Variants in PPP6R2 observed in about 807,000 individuals in gnomAD.
The protein encoded by PPP6R2 is serine/threonine-protein phosphatase 6 regulatory subunit 2.
A neutral mutation model predicts 100.2 loss-of-function variants in PPP6R2; 62 were observed. The observed-to-expected ratio is 0.62, with a 90% CI of 0.50 to 0.76. PPP6R2 has a LOEUF of 0.76. Ranked by LOEUF, PPP6R2 falls within the 30% of genes least tolerant of loss-of-function variation. PPP6R2 has a pLI of 0.00. For synonymous variants in PPP6R2, 525 were observed against 514.7 expected (o/e 1.02, Z -0.27); for missense variants, 1,142 against 1,276.3 (o/e 0.89, Z 1.60).
intron 1 of PPP6R2, among the ~76,000 whole-genome samples, chr22:50,365,069 CTTTTTTT>C (rs753699499): frequency 7.8e-6 from 1 of 128,434 alleles, no homozygotes; most frequent in Admixed American, 8.1e-5. Flanking sequence ...ATATGAGATA[CTTTTTTT>C]TTTTTTTTTT....
At chr22:50,420,284 G>A (rs575500873) in intron 8 of PPP6R2, among the ~76,000 whole-genome samples, 1 of 152,316 alleles carries the variant, frequency 6.6e-6, no homozygotes, top group East Asian at 1.9e-4. Flanking sequence ...GAGGCAGTGA[G>A]GGGGTCCCAG....
In PPP6R2 at chr22:50,371,809, G is replaced by T. The variant is rs556127208; in HGVS notation, c.-147-211G>T. ...GCGCCACCACACCCGGCTAATTTTT[G>T]TATTTTTTGGTAGAAATGAGGTTTT... On this transcript the variant is annotated intron_variant, in intron 1 of 23. Coordinates refer to ENST00000612753, the MANE Select transcript of PPP6R2 (RefSeq NM_001242898.2). Among the ~76,000 whole-genome samples, 191 of 152,084 alleles carry T rather than the reference G, an allele frequency of 1.3e-3. 1 individual carries two copies. Among genetic ancestry groups the T allele is most frequent in the African/African-American group, 4.4e-3 (182 of 41,496 alleles).
At chr22:50,442,540 A>AGTC (rs1457388733) in intron 22 of PPP6R2, among the ~76,000 whole-genome samples, 9 of 134,222 alleles carry the variant, frequency 6.7e-5, no homozygotes, top group Non-Finnish European at 1.2e-4. Flanking sequence ...CTTAAAGTTT[A>AGTC]GTCACTGAAA....
At chr22:50,336,772 T>A in the PPP6R2 span, among the ~76,000 whole-genome samples, 1 of 151,280 alleles carries the variant, frequency 6.6e-6, no homozygotes, top group Non-Finnish European at 1.5e-5. Flanking sequence ...AGTGGCGTGG[T>A]CACAGTTCAC....
intron 4 of PPP6R2, among the ~76,000 whole-genome samples, chr22:50,410,538 G>T (rs796668680): frequency 1.4e-5 from 2 of 138,972 alleles, no homozygotes; most frequent in Admixed American, 7.6e-5. Context: ...GTGCAGTGGC[G>T]CAATCTTGGC....
chr22:50,340,607 G>GGTGTGTGTA (rs1171958718), upstream of PPP6R2, among the ~76,000 whole-genome samples: 2 of 151,068 alleles, frequency 1.3e-5, no homozygotes, highest in African/African-American at 2.4e-5. Flanking sequence ...TGTGGTGTGT[G>GGTGTGTGTA]GTGTGTGCGT....
At chr22:50,426,880 G>A (rs190812175) in intron 10 of PPP6R2, among the ~76,000 whole-genome samples, 65 of 148,254 alleles carry the variant, frequency 4.4e-4, no homozygotes, top group African/African-American at 1.5e-3. Flanking sequence ...GAATGGTCTC[G>A]GCCTAATTGT....
intron 2 of PPP6R2, among the ~76,000 whole-genome samples, chr22:50,391,702 GT>G (rs71198243): frequency 3.5e-4 from 50 of 144,916 alleles, no homozygotes; most frequent in African/African-American, 9.1e-4. Context: ...GTATCTTGCT[GT>G]TTTTTTTTTT....
chr22:50,382,346 C>T (rs1312130870), intron 2 of PPP6R2, among the ~76,000 whole-genome samples: 7 of 151,972 alleles, frequency 4.6e-5, no homozygotes, highest in Admixed American at 6.6e-5. Context: ...TGCCTGTAAT[C>T]CCAGCACTTT....
At chr22:50,408,781 T>C (rs1569439096) in intron 4 of PPP6R2, among the ~76,000 whole-genome samples, 3 of 152,238 alleles carry the variant, frequency 2.0e-5, no homozygotes, top group Admixed American at 1.3e-4. Context: ...TCTCACCCAG[T>C]ACTTAAGGCA....
intron 20 of PPP6R2, 37 bp from the exon 21 acceptor site, chr22:50,439,924 C>T (rs758448176): frequency 1.9e-6 from 3 of 1,608,158 alleles, no homozygotes; most frequent in African/African-American, 1.3e-5. Flanking sequence ...AGGCACCTGT[C>T]CCCCAGGACT....
Position 50,435,943 on chromosome 22 carries a change from A to G in PPP6R2, c.1517-424A>G, listed in dbSNP as rs543066115. Among the ~76,000 whole-genome samples, 4 of 152,330 alleles carry G rather than the reference A, an allele frequency of 2.6e-5. No homozygotes were observed. The East Asian group carries it at 7.7e-4, about 29-fold the overall frequency. On this transcript the variant is annotated intron_variant, in intron 13 of 23. Transcript: ENST00000612753. ...ACCTCCCCGGAAAAACAGGCAGGAC[A>G]CGCGCCCAGGCCTGTAGGCTGCTGC...
At chr22:50,381,201 C>T (rs1368674495) in intron 2 of PPP6R2, among the ~76,000 whole-genome samples, 2 of 152,036 alleles carry the variant, frequency 1.3e-5, no homozygotes, top group East Asian at 1.9e-4. Context: ...CAACCAGAAC[C>T]CCTCCTACCA....
chr22:50,353,232 A>G (rs1181020921), intron 1 of PPP6R2, among the ~76,000 whole-genome samples: 1 of 152,212 alleles, frequency 6.6e-6, no homozygotes, highest in Admixed American at 6.5e-5. Flanking sequence ...GGCTTTTGAC[A>G]TGCCTTCTTC....
At chr22:50,436,252 A>G in intron 13 of PPP6R2, 115 bp from the exon 14 acceptor site, 2 of 880,212 alleles carry the variant, frequency 2.3e-6, no homozygotes, top group South Asian at 1.6e-5. Flanking sequence ...CGGGCTGACC[A>G]CAGTAGCAGC....
intron 1 of PPP6R2, among the ~76,000 whole-genome samples, chr22:50,351,475 A>T (rs1033991543): frequency 6.6e-6 from 1 of 151,106 alleles, no homozygotes; most frequent in Non-Finnish European, 1.5e-5. Context: ...TACCCTGTCT[A>T]GCTATGAAAA....
chr22:50,396,982 A>T (rs1185604391), intron 3 of PPP6R2, among the ~76,000 whole-genome samples: 1 of 152,110 alleles, frequency 6.6e-6, no homozygotes, highest in African/African-American at 2.4e-5. Flanking sequence ...TCTGGTGACA[A>T]ATTAGAGTTG....
intron 2 of PPP6R2, among the ~76,000 whole-genome samples, chr22:50,389,998 C>CTTTTTTTTTT (rs112025241): frequency 7.3e-6 from 1 of 137,570 alleles, no homozygotes; most frequent in Non-Finnish European, 1.6e-5. Context: ...CTTTTTTTTT[C>CTTTTTTTTTT]TTTTTTTTTT....
intron 12 of PPP6R2, among the ~76,000 whole-genome samples, 178 bp downstream of exon 12, chr22:50,432,507 C>G (rs879382556): frequency 2.4e-4 from 36 of 152,124 alleles, no homozygotes; most frequent in Non-Finnish European, 4.9e-4. Flanking sequence ...ACTGGGCGGA[C>G]AGCTGCAAAT....
Sources: allele counts gnomAD v4.1 joint callset (sites outside exome capture counted in the v4.1 genomes callset), GRCh38; gene constraint gnomAD v4.1.1; transcripts MANE v1.5; gene names NCBI Gene and HGNC (gene_info 2026-07-23, HGNC 2026-07-21).